Variants in KLHL29 observed in about 807,000 individuals in gnomAD.
The protein encoded by KLHL29 is kelch like family member 29.
Under a neutral mutation model 80.4 loss-of-function variants are expected in KLHL29, and 21 were observed. The ratio of observed to expected loss-of-function variants is 0.26; its 90% confidence interval spans 0.19 to 0.38. KLHL29 has a LOEUF of 0.38. Among genes scored for constraint, KLHL29 ranks in the 10% least tolerant of loss-of-function variants. The pLI, the probability that KLHL29 is intolerant of heterozygous loss-of-function variation, is 1.00. For missense variants in KLHL29, 867 were observed against 1,223.9 expected (o/e 0.71, Z 4.35); for synonymous variants, 511 against 526.8 (o/e 0.97, Z 0.41).
intron 2 of KLHL29, among the ~76,000 whole-genome samples, chr2:23,539,431 CCTTTTT>C (rs1666771561): frequency 9.3e-6 from 1 of 107,216 alleles, no homozygotes; most frequent in Non-Finnish European, 1.9e-5. Context: ...TATCCTGCCT[CCTTTTT>C]TTTTTTTTTT....
intron 3 of KLHL29, among the ~76,000 whole-genome samples, chr2:23,569,116 C>A (rs772026907): frequency 6.6e-6 from 1 of 152,226 alleles, no homozygotes; most frequent in Non-Finnish European, 1.5e-5. Context: ...CTGCTGTCCC[C>A]AGGACATGCA....
chr2:23,462,518 G>A (rs533736030), intron 1 of KLHL29, among the ~76,000 whole-genome samples: 10 of 152,302 alleles, frequency 6.6e-5, no homozygotes, highest in South Asian at 2.1e-4. Context: ...TAATGATTCC[G>A]TGGTAGGACA....
Position 23,536,349 on chromosome 2 carries a change from C to A in KLHL29, c.-45-25803C>A, listed in dbSNP as rs146710495. On this transcript the variant is annotated intron_variant, in intron 2 of 13. Coordinates refer to ENST00000486442, the MANE Select transcript of KLHL29 (RefSeq NM_052920.2). ...GCTCCAAGCTGCGGAAATTAGAGTACGCTGTGTGGACGGCAGCTTGGCTGT... is the reference window on the plus strand; with the variant it reads ...GCTCCAAGCTGCGGAAATTAGAGTAAGCTGTGTGGACGGCAGCTTGGCTGT... Among the ~76,000 whole-genome samples the A allele has an allele frequency of 1.1e-4, 16 of 152,324 alleles. No homozygotes were observed. In the South Asian group the frequency reaches 3.3e-3, roughly 32 times the overall value.
intron 5 of KLHL29, among the ~76,000 whole-genome samples, chr2:23,649,598 CCT>C: frequency 6.6e-6 from 1 of 152,352 alleles, no homozygotes; most frequent in South Asian, 2.1e-4. Flanking sequence ...CACCCTGGAC[CCT>C]CTCTCCACGG....
intron 8 of KLHL29, among the ~76,000 whole-genome samples, chr2:23,694,538 T>TCCACAGGGGAAA (rs1260789924): frequency 1.3e-5 from 2 of 152,144 alleles, no homozygotes; most frequent in Non-Finnish European, 1.5e-5. Context: ...CCTCGTCGAC[T>TCCACAGGGGAAA]CCACAGGGGA....
At position 23,696,200 on chromosome 2, in the gene KLHL29, G is replaced by C. The variant is rs1671943005; in HGVS notation, c.1924+67G>C. 1.3e-6 allele frequency: 2 copies of C among 1,509,060 alleles called. No homozygotes were observed. Among genetic ancestry groups the C allele is most frequent in the Non-Finnish European group, 1.8e-6 (2 of 1,117,550 alleles). The allele number at this position is 1,509,060 out of a possible 1,614,324, so 93.5% of individuals were successfully genotyped here. ...CCCAAGGGGACTGCTCCCCACGTCA[G>C]GGCTGAGGAAGGCCATGGCCCAGAA... is the stretch of plus-strand genomic sequence containing the variant. On this transcript the variant is annotated intron_variant, in intron 10 of 13. Coordinates refer to ENST00000486442, the MANE Select transcript of KLHL29 (RefSeq NM_052920.2). The surrounding 1 kb of genome is among the most constrained non-coding windows in gnomAD (Gnocchi z 5.5).
chr2:23,678,027 CT>C (rs1670970770), intron 5 of KLHL29, among the ~76,000 whole-genome samples: 1 of 152,166 alleles, frequency 6.6e-6, no homozygotes, highest in Non-Finnish European at 1.5e-5. Context: ...AATTCTTTGC[CT>C]TTTAATATTT....
At chr2:23,516,656 G>C (rs1185386945) in intron 2 of KLHL29, among the ~76,000 whole-genome samples, 2 of 152,214 alleles carry the variant, frequency 1.3e-5, no homozygotes, top group Non-Finnish European at 2.9e-5. Context: ...ACAAACAGCT[G>C]ACTTCTTGGC....
chr2:23,680,723 C>G lies in KLHL29; in HGVS notation c.941-3676C>G, dbSNP rs377750505. 6.6e-6 allele frequency among the ~76,000 whole-genome samples: 1 copy of G among 151,844 alleles called. No individual in the cohort carries two copies. Among genetic ancestry groups the G allele is most frequent in the East Asian group, 1.9e-4 (1 of 5,154 alleles). On this transcript the variant is annotated intron_variant, in intron 5 of 13. Coordinates refer to ENST00000486442, the MANE Select transcript of KLHL29 (RefSeq NM_052920.2). This position sits in a 1 kb window ranked among gnomAD's most constrained non-coding sequence, Gnocchi z 4.1. ...TCTAGGCCATCTTCCCCTGGGGTCT[C>G]TAGGCCATCTTCCCCTGGGGTCTCT...
At chr2:23,494,160 A>G (rs1350596550) in intron 2 of KLHL29, among the ~76,000 whole-genome samples, 4 of 152,224 alleles carry the variant, frequency 2.6e-5, no homozygotes, top group Admixed American at 6.5e-5. Flanking sequence ...TCTAGCTATT[A>G]AAGTAACATA....
At chr2:23,563,835 C>A (rs1248472909) in intron 3 of KLHL29, among the ~76,000 whole-genome samples, 1 of 152,152 alleles carries the variant, frequency 6.6e-6, no homozygotes, top group Admixed American at 6.5e-5. Flanking sequence ...AAAACACCAC[C>A]CCACTGAGGC....
intron 2 of KLHL29, among the ~76,000 whole-genome samples, chr2:23,543,668 G>T (rs1324475513): frequency 6.6e-6 from 1 of 152,216 alleles, no homozygotes; most frequent in African/African-American, 2.4e-5. Flanking sequence ...CTGCTCCATC[G>T]GTTTCTGGGA....
At chr2:23,526,095 G>A (rs1002666705) in intron 2 of KLHL29, among the ~76,000 whole-genome samples, 8 of 152,246 alleles carry the variant, frequency 5.3e-5, no homozygotes, top group Non-Finnish European at 1.5e-5. Context: ...GGAAAAGCAG[G>A]TTAGGAAAAA....
At chr2:23,523,681 G>A (rs1432132007) in intron 2 of KLHL29, among the ~76,000 whole-genome samples, 2 of 152,252 alleles carry the variant, frequency 1.3e-5, no homozygotes, top group Middle Eastern at 6.8e-3. Flanking sequence ...AACAAACATT[G>A]AGGAAGTACC....
At chr2:23,410,315 G>A (rs1666832425) in intron 1 of KLHL29, among the ~76,000 whole-genome samples, 1 of 147,900 alleles carries the variant, frequency 6.8e-6, no homozygotes, top group Admixed American at 6.7e-5. Flanking sequence ...GTGGAGACAG[G>A]TAAATGGGCA....
At chr2:23,662,035 G>A (rs1042813386) in intron 5 of KLHL29, among the ~76,000 whole-genome samples, 1 of 152,202 alleles carries the variant, frequency 6.6e-6, no homozygotes, top group Non-Finnish European at 1.5e-5. Context: ...GAAAGGATGA[G>A]TGCTGCCCAC....
chr2:23,703,466 G>A (rs1041608704), intron 12 of KLHL29, 87 bp downstream of exon 12: 18 of 1,248,406 alleles, frequency 1.4e-5, no homozygotes, highest in Non-Finnish European at 1.9e-5. Context: ...CAGAAGTCAG[G>A]CTAAGCCCAA....
rs1320740381 is a variant in KLHL29 at position 23,706,508 on chromosome 2, T to C, written c.2472T>C (p.Tyr824=). The C allele has an allele frequency of 5.2e-6, 8 of 1,533,026 alleles. No individual in the cohort carries two copies. Among genetic ancestry groups the C allele is most frequent in the Non-Finnish European group, 7.0e-6 (8 of 1,144,888 alleles). 95.0% of individuals were successfully genotyped at this position (1,533,026 alleles called of 1,614,324 possible). A position where few individuals can be genotyped will look rare whatever the true frequency, so the allele number is the denominator to read the frequency against. Residue 824 remains tyrosine, a synonymous_variant, in exon 14 of 14, where the codon TAT becomes TAC. Coordinates refer to ENST00000486442, the MANE Select transcript of KLHL29 (RefSeq NM_052920.2). ...CSAVVLDGKI[Y]ATGGIVSSEG... ...CTGTGGTGCTTGATGGCAAGATTTA[T>C]GCAACTGGAGGTATTGTCAGCAGTG... is the stretch of plus-strand genomic sequence containing the variant.
At chr2:23,506,050 A>G (rs1349337481) in intron 2 of KLHL29, among the ~76,000 whole-genome samples, 2 of 152,212 alleles carry the variant, frequency 1.3e-5, no homozygotes, top group Non-Finnish European at 2.9e-5. Flanking sequence ...GAACGGCTTC[A>G]TTACCAGCCA....
Sources: gnomAD v4.1 joint callset for allele counts (sites outside exome capture counted in the v4.1 genomes callset) on GRCh38, gnomAD v4.1.1 for gene constraint, Gnocchi (gnomAD v3.1) non-coding constraint, MANE v1.5 for transcripts, NCBI Gene and HGNC (gene_info 2026-07-23, HGNC 2026-07-21) for gene names.